Variants in ENTPD1 observed in about 807,000 individuals in gnomAD.
ENTPD1 encodes ATP diphosphohydrolase.
In ENTPD1, 33 loss-of-function variants were observed where a neutral mutation model predicts 57.0. The observed-to-expected ratio is 0.58, with a 90% CI of 0.44 to 0.77. The LOEUF (loss-of-function observed/expected upper bound fraction) is 0.77, where lower values mean the gene tolerates loss of function less well. Ranked by LOEUF, ENTPD1 falls within the 30% of genes least tolerant of loss-of-function variation. The probability of loss-of-function intolerance (pLI) is 0.00; values close to 1 mark genes in which losing one functional copy is unlikely to be tolerated. For missense variants in ENTPD1, 501 were observed against 603.4 expected (o/e 0.83, Z 1.78); for synonymous variants, 202 against 218.8 (o/e 0.92, Z 0.68).
intron 7 of ENTPD1, among the ~76,000 whole-genome samples, chr10:95,856,821 G>GTT (rs2098455857): frequency 6.7e-6 from 1 of 149,800 alleles, no homozygotes; most frequent in Non-Finnish European, 1.5e-5. Context: ...TCATATTTAG[G>GTT]TTATATATAT....
upstream of ENTPD1, chr10:95,755,541 C>G: frequency 1.5e-6 from 1 of 646,616 alleles, no homozygotes; most frequent in Non-Finnish European, 2.6e-6. Flanking sequence ...GGATGACTTT[C>G]ATCAATTCAT....
At chr10:95,841,303 C>A (rs2098422052) in intron 3 of ENTPD1, among the ~76,000 whole-genome samples, 1 of 152,086 alleles carries the variant, frequency 6.6e-6, no homozygotes, top group South Asian at 2.1e-4. Context: ...AGGAGAATCA[C>A]TTGAACCCGG....
the ENTPD1 span, among the ~76,000 whole-genome samples, chr10:95,695,725 G>A: frequency 6.6e-6 from 1 of 152,152 alleles, no homozygotes; most frequent in African/African-American, 2.4e-5. Context: ...ATACTAGAAT[G>A]TAAATTCCAA....
At chr10:95,840,279 G>T (rs1263337125) in intron 3 of ENTPD1, among the ~76,000 whole-genome samples, 1 of 152,216 alleles carries the variant, frequency 6.6e-6, no homozygotes, top group South Asian at 2.1e-4. Context: ...TCTCAAACTT[G>T]CATGAGCTTG....
chr10:95,716,018 C>T (rs2097971079), intron 1 of ENTPD1, among the ~76,000 whole-genome samples: 1 of 152,108 alleles, frequency 6.6e-6, no homozygotes, highest in Non-Finnish European at 1.5e-5. Context: ...ATGTGTGACA[C>T]CACATCCAGC....
intron 7 of ENTPD1, 31 bp from the exon 8 acceptor site, chr10:95,860,438 C>T: frequency 6.3e-7 from 1 of 1,584,164 alleles, no homozygotes; most frequent in Non-Finnish European, 8.6e-7. Flanking sequence ...CTGTGTGGAA[C>T]ACAGCCTAAA....
chr10:95,809,309 C>T (rs1342754841), intron 1 of ENTPD1, among the ~76,000 whole-genome samples: 6 of 150,834 alleles, frequency 4.0e-5, no homozygotes, highest in Non-Finnish European at 5.9e-5. Context: ...CAGGCAGAGG[C>T]GCCCCCCACA....
intron 3 of ENTPD1, among the ~76,000 whole-genome samples, chr10:95,841,341 C>T (rs1308785871): frequency 6.6e-6 from 1 of 151,984 alleles, no homozygotes; most frequent in African/African-American, 2.4e-5. Context: ...TAGCCGAGAT[C>T]GCGCCACTAC....
chr10:95,760,954 C>T (rs1186272796), intron 1 of ENTPD1, among the ~76,000 whole-genome samples: 1 of 150,906 alleles, frequency 6.6e-6, no homozygotes, highest in African/African-American at 2.4e-5. Context: ...CTCAGCCTCC[C>T]GAGTAGCTGG....
intron 8 of ENTPD1, among the ~76,000 whole-genome samples, chr10:95,861,063 A>G (rs1477212768): frequency 6.6e-6 from 1 of 152,228 alleles, no homozygotes; most frequent in Non-Finnish European, 1.5e-5. Context: ...TTGACTGGGA[A>G]AACCAGGTGC....
At chr10:95,731,972 G>A (rs910300778) in intron 1 of ENTPD1, among the ~76,000 whole-genome samples, 2 of 151,404 alleles carry the variant, frequency 1.3e-5, no homozygotes, top group Admixed American at 6.6e-5. Flanking sequence ...TAGTAGAGAC[G>A]GGGTTTCACC....
At chr10:95,786,135 T>G (rs993877569) in intron 1 of ENTPD1, among the ~76,000 whole-genome samples, 1 of 152,144 alleles carries the variant, frequency 6.6e-6, no homozygotes, top group Non-Finnish European at 1.5e-5. Context: ...TGCTACCCAG[T>G]GCTTGGGTGC....
intron 2 of ENTPD1, among the ~76,000 whole-genome samples, chr10:95,827,470 T>C (rs1489093297): frequency 6.6e-6 from 1 of 151,686 alleles, no homozygotes; most frequent in Non-Finnish European, 1.5e-5. Flanking sequence ...AAAAAAAATT[T>C]CGTTTTTGTT....
chr10:95,875,589 G>A lies in ENTPD1; in HGVS notation c.*9206G>A, dbSNP rs189300893. On this transcript the variant is annotated 3_prime_UTR_variant, in exon 10 of 10. Transcript: ENST00000371205. ...GTTCCAAAGTTGCTTCCACATTTTC[G>A]GGTATCTTTTCAGCAATGCCCCACT... is the stretch of plus-strand genomic sequence containing the variant. The A allele has an allele frequency of 1.1e-3, 190 of 169,958 alleles. 1 individual carries two copies. Among genetic ancestry groups the A allele is most frequent in the African/African-American group, 4.2e-3 (174 of 41,848 alleles). The allele number at this position is 169,958 out of a possible 1,614,324, so 10.5% of individuals were successfully genotyped here. A position where few individuals can be genotyped will look rare whatever the true frequency, so the allele number is the denominator to read the frequency against.
At chr10:95,705,506 T>G in the ENTPD1 span, among the ~76,000 whole-genome samples, 3 of 152,258 alleles carry the variant, frequency 2.0e-5, no homozygotes, top group East Asian at 1.9e-4. Context: ...TGTTGTTGTT[T>G]TTTGAGACAG....
At position 95,771,269 on chromosome 10, in the gene ENTPD1, T is replaced by A. The variant is rs141645234; in HGVS notation, c.16+15014T>A. On this transcript the variant is annotated intron_variant, in intron 1 of 9. Coordinates refer to ENST00000371205, the MANE Select transcript of ENTPD1 (RefSeq NM_001776.6). ...AAACATTTGAGAAACTTCCAGTTAC[T>A]TTCCAAATTATTTTTCAAAAACATT... Among the ~76,000 whole-genome samples, 23 of 152,352 alleles carry A rather than the reference T, an allele frequency of 1.5e-4. No homozygotes were observed. In the East Asian group the frequency reaches 4.2e-3, roughly 28 times the overall value.
intron 1 of ENTPD1, among the ~76,000 whole-genome samples, chr10:95,757,983 C>T (rs1270776421): frequency 5.4e-5 from 6 of 111,514 alleles, no homozygotes; most frequent in Non-Finnish European, 8.8e-5. Flanking sequence ...CCAGCCTGGG[C>T]GAGAGTGAGA....
chr10:95,796,257 A>G (rs2098225449), intron 1 of ENTPD1, among the ~76,000 whole-genome samples: 1 of 152,138 alleles, frequency 6.6e-6, no homozygotes, highest in Non-Finnish European at 1.5e-5. Flanking sequence ...GGGGAGACTG[A>G]CACAAGTTAA....
At chr10:95,750,606 T>G (rs1397127517) in intron 1 of ENTPD1, among the ~76,000 whole-genome samples, 2 of 152,218 alleles carry the variant, frequency 1.3e-5, no homozygotes, top group African/African-American at 2.4e-5. Flanking sequence ...CTCAGGTATT[T>G]CTTTATTGCA....
Sources: allele counts gnomAD v4.1 joint callset (sites outside exome capture counted in the v4.1 genomes callset), GRCh38; gene constraint gnomAD v4.1.1; transcripts MANE v1.5; gene names NCBI Gene and HGNC (gene_info 2026-07-23, HGNC 2026-07-21).